The following TNIP3 variants were observed in gnomAD, a reference collection of about 807,000 sequenced individuals.
TNIP3 encodes the protein TNFAIP3-interacting protein 3.
TNIP3 carries 34 observed loss-of-function variants against 54.1 expected under a neutral mutation model. That is an observed-to-expected ratio of 0.63 (90% CI 0.48 to 0.84). The LOEUF (loss-of-function observed/expected upper bound fraction) is 0.84. Ranked by LOEUF, TNIP3 falls within the 40% of genes least tolerant of loss-of-function variation. The pLI, the probability that TNIP3 is intolerant of heterozygous loss-of-function variation, is 0.00. For synonymous variants in TNIP3, 134 were observed against 136.8 expected, an observed-to-expected ratio of 0.98 and a Z score of 0.14; for missense variants, 366 against 387.6, an observed-to-expected ratio of 0.94 and a Z score of 0.47.
intron 1 of TNIP3, among the ~76,000 whole-genome samples, chr4:121,162,765 C>T (rs776780840): frequency 2.3e-4 from 35 of 152,244 alleles, no homozygotes; most frequent in Middle Eastern, 3.4e-3. Flanking sequence ...GAAGAGCAGC[C>T]AGGGCACCTC....
At chr4:121,165,069 G>A (rs1399991557), upstream of TNIP3, among the ~76,000 whole-genome samples, 1 of 151,668 alleles carries the variant, frequency 6.6e-6, no homozygotes, top group Non-Finnish European at 1.5e-5. Context: ...AAGGAAAGAG[G>A]CAAGGAATAC....
chr4:121,226,496 G>A (rs1727263837), intron 1 of TNIP3, among the ~76,000 whole-genome samples: 1 of 152,352 alleles, frequency 6.6e-6, no homozygotes, highest in African/African-American at 2.4e-5. Flanking sequence ...GGACAGGTCT[G>A]TGCATGCAGT....
At chr4:121,151,035 C>T (rs1729719089) in intron 5 of TNIP3, among the ~76,000 whole-genome samples, 1 of 152,202 alleles carries the variant, frequency 6.6e-6, no homozygotes, top group Non-Finnish European at 1.5e-5. Flanking sequence ...CATATCATTA[C>T]ATTATGTTTG....
chr4:121,198,683 A>T (rs1725728068), intron 2 of TNIP3, among the ~76,000 whole-genome samples: 1 of 152,260 alleles, frequency 6.6e-6, no homozygotes, highest in South Asian at 2.1e-4. Flanking sequence ...ACATGGCTTG[A>T]AAGATCTAGT....
At chr4:121,175,414 G>A (rs1724248649) in intron 3 of TNIP3, among the ~76,000 whole-genome samples, 1 of 152,148 alleles carries the variant, frequency 6.6e-6, no homozygotes, top group Non-Finnish European at 1.5e-5. Context: ...CCACACAGAT[G>A]CCACTTTTCA....
exon 3 of TNIP3, chr4:121,182,715 T>C: frequency 6.5e-7 from 1 of 1,534,198 alleles, no homozygotes; most frequent in Non-Finnish European, 8.7e-7. Context: ...GCATGGCCTC[T>C]GGGGTGAACC....
intron 1 of TNIP3, among the ~76,000 whole-genome samples, chr4:121,163,151 G>A (rs936282540): frequency 2.6e-5 from 4 of 152,118 alleles, no homozygotes; most frequent in Non-Finnish European, 4.4e-5. Flanking sequence ...TATAGGTGGG[G>A]GAGGATAGGA....
intron 1 of TNIP3, among the ~76,000 whole-genome samples, chr4:121,226,194 C>T (rs1380871001): frequency 1.3e-5 from 2 of 150,444 alleles, no homozygotes; most frequent in Non-Finnish European, 3.0e-5. Flanking sequence ...GGGACAGAGA[C>T]AGAGAGTGAC....
At chr4:121,180,714 A>G (rs935703272) in intron 3 of TNIP3, among the ~76,000 whole-genome samples, 1 of 152,222 alleles carries the variant, frequency 6.6e-6, no homozygotes, top group Middle Eastern at 3.4e-3. Context: ...GAGATTAGAG[A>G]TACAGGAACC....
intron 6 of TNIP3, among the ~76,000 whole-genome samples, chr4:121,148,050 T>C (rs1729534048): frequency 2.0e-5 from 3 of 152,206 alleles, no homozygotes; most frequent in Admixed American, 2.0e-4. Context: ...GATGATTTTT[T>C]TGGTTGAGAA....
chr4:121,200,514 C>A (rs1234861352), intron 2 of TNIP3, among the ~76,000 whole-genome samples: 1 of 152,104 alleles, frequency 6.6e-6, no homozygotes, highest in Non-Finnish European at 1.5e-5. Flanking sequence ...CTGGCAGTCT[C>A]TGGATTCATA....
chr4:121,199,337 C>G (rs1725760756), intron 2 of TNIP3, among the ~76,000 whole-genome samples: 1 of 152,144 alleles, frequency 6.6e-6, no homozygotes, highest in Non-Finnish European at 1.5e-5. Context: ...TCCTATAAAG[C>G]TAGTTGTTAC....
Position 121,182,646 on chromosome 4 carries a change from G to A in TNIP3, c.189+30C>T, listed in dbSNP as rs749063486. The A allele has an allele frequency of 1.1e-4, 173 of 1,532,528 alleles. 2 individuals are homozygous for A. The highest frequency in any genetic ancestry group is 2.3e-4 in the Middle Eastern group (1 of 4,360). The allele number at this position is 1,532,528 out of a possible 1,614,324, so 94.9% of individuals were successfully genotyped here. A position where few individuals can be genotyped will look rare whatever the true frequency, so the allele number is the denominator to read the frequency against. On this transcript the variant is annotated intron_variant, in intron 3 of 12. Coordinates refer to the TNIP3 transcript ENST00000507879. ...TGAATAAACTGCTGAAGGGTACATC[G>A]AGATAAGGAGAAAAAAGGTGTTTTC...
chr4:121,199,086 T>C (rs775874026), intron 2 of TNIP3, among the ~76,000 whole-genome samples: 9 of 152,040 alleles, frequency 5.9e-5, no homozygotes, highest in Non-Finnish European at 1.2e-4. Context: ...TTGAGAAAAC[T>C]CAGATGTGAC....
At chr4:121,194,266 A>T (rs541546267) in intron 2 of TNIP3, among the ~76,000 whole-genome samples, 1 of 152,294 alleles carries the variant, frequency 6.6e-6, no homozygotes, top group South Asian at 2.1e-4. Flanking sequence ...CAAATGGCTG[A>T]GGAAAAAAAT....
intron 2 of TNIP3, among the ~76,000 whole-genome samples, chr4:121,198,388 C>T (rs1025363338): frequency 2.6e-5 from 4 of 152,080 alleles, no homozygotes; most frequent in Admixed American, 1.3e-4. Context: ...AAGAGGTTTA[C>T]AAGGCATTTA....
intron 1 of TNIP3, 99 bp downstream of exon 1, chr4:121,163,961 C>G (rs1579420998): frequency 3.6e-6 from 5 of 1,370,658 alleles, no homozygotes; most frequent in Non-Finnish European, 3.9e-6. Context: ...AGAAAGCAAA[C>G]TAGCCATTTC....
In TNIP3 at chr4:121,194,019, G is replaced by A. The variant is rs149985420; in HGVS notation, c.69-11223C>T. Among the ~76,000 whole-genome samples, 550 of 152,216 alleles carry A rather than the reference G, an allele frequency of 3.6e-3. 5 individuals are homozygous for A. The highest frequency in any genetic ancestry group is 0.013 in the African/African-American group (525 of 41,548). ...TTTATGAAAACTAAATGTAATGTAAGATCCTGGATTGGAGCCTTTTTTATG... is the reference window on the plus strand; with the variant it reads ...TTTATGAAAACTAAATGTAATGTAAAATCCTGGATTGGAGCCTTTTTTATG... On this transcript the variant is annotated intron_variant, in intron 2 of 12. Coordinates refer to the TNIP3 transcript ENST00000507879.
intron 2 of TNIP3, among the ~76,000 whole-genome samples, chr4:121,190,065 C>T (rs928800751): frequency 6.6e-6 from 1 of 152,174 alleles, no homozygotes; most frequent in Non-Finnish European, 1.5e-5. Flanking sequence ...GAAACCACAT[C>T]CTCCTACAGG....
Sources: gnomAD v4.1 joint callset for allele counts (sites outside exome capture counted in the v4.1 genomes callset) on GRCh38, gnomAD v4.1.1 for gene constraint, MANE v1.5 for transcripts, NCBI Gene and HGNC (gene_info 2026-07-23, HGNC 2026-07-21) for gene names.